LAMTOR5: variants seen among roughly 807,000 people sequenced by gnomAD.
LAMTOR5 encodes the protein late endosomal/lysosomal adaptor, MAPK and MTOR activator 5.
Under a neutral mutation model 12.1 loss-of-function variants are expected in LAMTOR5, and 8 were observed. That is an observed-to-expected ratio of 0.66 (90% CI 0.39 to 1.19). LAMTOR5 has a LOEUF of 1.19. LAMTOR5 is among the 50% of genes most tolerant of loss of function. LAMTOR5 has a pLI of 0.01. For missense variants in LAMTOR5, 110 were observed against 112.8 expected (o/e 0.97, Z 0.11); for synonymous variants, 37 against 41.9 (o/e 0.88, Z 0.45).
intron 3 of LAMTOR5, 187 bp downstream of exon 3, chr1:110,403,732 A>G (rs1663271388): frequency 5.8e-6 from 4 of 686,784 alleles, no homozygotes; most frequent in African/African-American, 1.9e-5. Context: ...TCATTTAAAT[A>G]GCATTGTGGC....
chr1:110,401,670 A>G, intron 3 of LAMTOR5, 87 bp from the exon 4 acceptor site: 1 of 1,336,000 alleles, frequency 7.5e-7, no homozygotes, highest in South Asian at 1.3e-5. Context: ...TTAGGATACA[A>G]TATTTAAAAT....
Position 110,401,516 on chromosome 1 carries a change from A to T in LAMTOR5, c.*7T>A. On this transcript the variant is annotated 3_prime_UTR_variant, in exon 4 of 4. Coordinates refer to ENST00000602318, the MANE Select transcript of LAMTOR5 (RefSeq NM_001382293.1). ...TATGACAGGCTGCTGAAGAACAGAT[A>T]TGAGCATCAAGAGGCCATTTTGTGC... 6.2e-7 allele frequency: 1 copy of T among 1,604,060 alleles called. No individual in the cohort carries two copies. Among genetic ancestry groups the T allele is most frequent in the Non-Finnish European group, 8.5e-7 (1 of 1,171,720 alleles).
chr1:110,406,705 T>G (rs565351925), intron 1 of LAMTOR5: 1 of 287,862 alleles, frequency 3.5e-6, no homozygotes, highest in South Asian at 6.0e-5. Context: ...ATGACTGTAA[T>G]CCCAGCTACT....
At chr1:110,406,997 A>C (rs1180801379) in intron 1 of LAMTOR5, 1 of 684,880 alleles carries the variant, frequency 1.5e-6, no homozygotes, top group African/African-American at 1.8e-5. Flanking sequence ...TTTAGTACTA[A>C]CTCATTTAAA....
chr1:110,407,043 G>T (rs1257724214), intron 1 of LAMTOR5: 1 of 699,032 alleles, frequency 1.4e-6, no homozygotes, highest in Admixed American at 2.0e-5. Flanking sequence ...CTCCTGGAGG[G>T]TAAGTGGAAG....
At position 110,407,646 on chromosome 1, in the gene LAMTOR5, G is replaced by C; in HGVS notation, c.-26C>G. 3.7e-6 allele frequency: 6 copies of C among 1,614,202 alleles called. No homozygotes were observed. The highest frequency in any genetic ancestry group is 4.2e-6 in the Non-Finnish European group (5 of 1,180,034). On this transcript the variant is annotated 5_prime_UTR_variant, in exon 1 of 4. Transcript: ENST00000602318. ...CCCACCCACCGACCACTCCGGCTCA[G>C]AACCCAGCGGCACGGCACGTCCTTC... is the stretch of plus-strand genomic sequence containing the variant.
chr1:110,403,270 C>T (rs1663262951), intron 3 of LAMTOR5, among the ~76,000 whole-genome samples: 1 of 152,036 alleles, frequency 6.6e-6, no homozygotes. Flanking sequence ...ACATATTATT[C>T]TGAGGACCAT....
intron 2 of LAMTOR5, among the ~76,000 whole-genome samples, chr1:110,405,111 C>T (rs371647454): frequency 6.6e-6 from 1 of 151,550 alleles, no homozygotes; most frequent in African/African-American, 2.4e-5. Flanking sequence ...AGCTTAACGA[C>T]TTACTAGCTG....
chr1:110,402,575 ACTC>A (rs1336881129), intron 3 of LAMTOR5, among the ~76,000 whole-genome samples: 1 of 151,930 alleles, frequency 6.6e-6, no homozygotes, highest in Non-Finnish European at 1.5e-5. Flanking sequence ...AGAGTATACT[ACTC>A]CTACTTATTA....
chr1:110,405,572 C>A (rs897437824), intron 2 of LAMTOR5, among the ~76,000 whole-genome samples: 8 of 152,108 alleles, frequency 5.3e-5, no homozygotes, highest in African/African-American at 1.9e-4. Context: ...CTCAAGTGAT[C>A]TGCCCACCTT....
chr1:110,407,761 C>T (rs890098338), upstream of LAMTOR5: 8 of 1,614,180 alleles, frequency 5.0e-6, no homozygotes, highest in Admixed American at 8.3e-5. Context: ...GTGCAACGTC[C>T]GCGTTCTTTA....
chr1:110,403,858 C>A, intron 3 of LAMTOR5, 61 bp downstream of exon 3: 1 of 1,598,384 alleles, frequency 6.3e-7, no homozygotes, highest in Non-Finnish European at 8.5e-7. Flanking sequence ...GGCCGGCCCC[C>A]GCCAATTTTA....
In LAMTOR5 at chr1:110,405,831, AAG is replaced by A. The variant is rs541887751; in HGVS notation, c.97+485_97+486del. Among the ~76,000 whole-genome samples the A allele has an allele frequency of 3.9e-3, 590 of 152,316 alleles. 4 individuals carry two copies. The highest frequency in any genetic ancestry group is 0.014 in the African/African-American group (565 of 41,566). On this transcript the variant is annotated intron_variant, in intron 2 of 3. Coordinates refer to ENST00000602318, the MANE Select transcript of LAMTOR5 (RefSeq NM_001382293.1). ...CCACGTTCACACTACTAACAAATGA[AAG>A]AGCAAGGGATTGAGACCAGGTATGT... is the stretch of plus-strand genomic sequence containing the variant.
chr1:110,405,447 G>A (rs1040914037), intron 2 of LAMTOR5, among the ~76,000 whole-genome samples: 2 of 152,046 alleles, frequency 1.3e-5, no homozygotes, highest in Non-Finnish European at 2.9e-5. Flanking sequence ...TCACAGGTGT[G>A]AGCCACCGCA....
intron 1 of LAMTOR5, chr1:110,407,374 A>G: frequency 1.6e-6 from 1 of 643,922 alleles, no homozygotes; most frequent in Non-Finnish European, 2.6e-6. Flanking sequence ...CTCGCTCAAG[A>G]GGGAATGTGC....
At chr1:110,406,615 G>C (rs867387815) in intron 1 of LAMTOR5, 1 of 326,298 alleles carries the variant, frequency 3.1e-6, no homozygotes, top group African/African-American at 2.2e-5. Flanking sequence ...ACCTGAGGTC[G>C]GGAGTTCAAG....
chr1:110,407,377 G>A, intron 1 of LAMTOR5: 1 of 652,224 alleles, frequency 1.5e-6, no homozygotes, highest in Non-Finnish European at 2.6e-6. Context: ...GCTCAAGAGG[G>A]AATGTGCGGT....
At chr1:110,404,843 T>C (rs577011585) in intron 2 of LAMTOR5, among the ~76,000 whole-genome samples, 54 of 151,758 alleles carry the variant, frequency 3.6e-4, no homozygotes, top group African/African-American at 1.1e-3. Context: ...AGATAAGGAG[T>C]TCGAGACCAG....
In LAMTOR5 at chr1:110,407,453, C is replaced by G. The variant is rs1164907790; in HGVS notation, c.35+133G>C. On this transcript the variant is annotated intron_variant, in intron 1 of 3. Transcript: ENST00000602318. ...GCGGCCTTGGGTAGAGTTTAGCCCC[C>G]TCATCCCGTGTCCCGGGGGTCGCGC... 11 of 1,175,736 alleles carry G rather than the reference C, an allele frequency of 9.4e-6. No homozygotes were observed. In the Admixed American group the frequency reaches 2.3e-4, roughly 25 times the overall value. The allele number at this position is 1,175,736 out of a possible 1,614,324, so 72.8% of individuals were successfully genotyped here. A position where few individuals can be genotyped will look rare whatever the true frequency, so the allele number is the denominator to read the frequency against.
Sources: allele counts gnomAD v4.1 joint callset (sites outside exome capture counted in the v4.1 genomes callset), GRCh38; gene constraint gnomAD v4.1.1; transcripts MANE v1.5; gene names NCBI Gene and HGNC (gene_info 2026-07-23, HGNC 2026-07-21).